The following CFAP91 variants were observed in gnomAD, a reference collection of about 807,000 sequenced individuals.
CFAP91 encodes cilia- and flagella-associated protein 91.
CFAP91 carries 85 observed loss-of-function variants against 95.9 expected under a neutral mutation model. The ratio of observed to expected loss-of-function variants is 0.89; its 90% CI spans 0.74 to 1.06. The LOEUF is 1.06. Among genes scored for constraint, CFAP91 ranks in the 50% least tolerant of loss-of-function variants. CFAP91 has a pLI of 0.00. For synonymous variants in CFAP91, 335 were observed against 327.5 expected (o/e 1.02, Z -0.25); for missense variants, 962 against 943.4 (o/e 1.02, Z -0.26).
chr3:119,715,854 G>GTAGCAACTTCATAGACTGTTGCTA, intron 6 of CFAP91, 111 bp downstream of exon 6: 1 of 936,538 alleles, frequency 1.1e-6, no homozygotes, highest in Middle Eastern at 2.7e-4. Flanking sequence ...GCTATATAAA[G>GTAGCAACTTCATAGACTGTTGCTA]TGTCTTAGTA....
Position 119,733,498 on chromosome 3 carries a change from G to A in CFAP91, c.1336G>A (p.Val446Ile), listed in dbSNP as rs149820036. ...AARLDYELAE[V>I]HKALLDKKNK... ...AAGGTTGGACTATGAGTTGGCAGAG[G>A]TTCATAAGGTATAATCATTATCTGG... The change falls in exon 10 of 18, where the codon GTT becomes ATT. Residue 446 changes from valine (V) to isoleucine (I), a missense_variant. Physicochemically the swap from Val to Ile is conservative, Grantham distance 29. Coordinates refer to ENST00000273390, the MANE Select transcript of CFAP91 (RefSeq NM_033364.4). 2.5e-5 allele frequency: 41 copies of A among 1,612,822 alleles called. No homozygotes were observed. The African/African-American group carries it at 4.4e-4, about 17-fold the overall frequency.
At position 119,726,354 on chromosome 3, in the gene CFAP91, T is replaced by A. The variant is rs79253444; in HGVS notation, c.860+6T>A. On this transcript the variant is annotated splice_donor_region_variant and intron_variant, in intron 7 of 17. Transcript: ENST00000273390. ...AGAGAGCAGGAGATTGAAAAGTAGGTTCTCTATCACCCAGACAACTGTTCC... is the reference window on the plus strand; with the variant it reads ...AGAGAGCAGGAGATTGAAAAGTAGGATCTCTATCACCCAGACAACTGTTCC... 6,862 of 1,606,618 alleles carry A rather than the reference T, an allele frequency of 4.3e-3. 458 individuals are homozygous for A. The East Asian group carries it at 0.14, about 32-fold the overall frequency.
chr3:119,760,153 T>G (rs2054509289), intron 17 of CFAP91, among the ~76,000 whole-genome samples: 1 of 151,810 alleles, frequency 6.6e-6, no homozygotes, highest in East Asian at 1.9e-4. Context: ...CTTCACAGTT[T>G]AAGGACTCAC....
rs751799447 is a variant in CFAP91, at chr3:119,747,789, C to G, written c.2052-22C>G. 5.6e-6 allele frequency: 9 copies of G among 1,595,918 alleles called. 1 individual carries two copies. The South Asian group carries it at 6.7e-5, about 12-fold the overall frequency. On this transcript the variant is annotated intron_variant, in intron 15 of 17. Coordinates refer to ENST00000273390, the MANE Select transcript of CFAP91 (RefSeq NM_033364.4). ...AAGTGAAAAAACCAAAGAAATAATT[C>G]AATTTGTTTTATATTTTTTAGCCGA... is the stretch of plus-strand genomic sequence containing the variant.
chr3:119,747,153 A>AGAAGACATAATACT lies in CFAP91; in HGVS notation c.1945_1958dup (p.Asn653LysfsTer3). 1 of 1,612,846 alleles carries AGAAGACATAATACT rather than the reference A, an allele frequency of 6.2e-7. No individual in the cohort carries two copies. Among genetic ancestry groups the AGAAGACATAATACT allele is most frequent in the South Asian group, 1.1e-5 (1 of 90,710 alleles). ...ACCATAGTACTATAAGCTCCTACCT[A>AGAAGACATAATACT]GAAGACATAATACTGAATACCGAAG... is the stretch of plus-strand genomic sequence containing the variant. On this transcript the variant is annotated frameshift_variant, in exon 15 of 18. Transcript: ENST00000273390. LOFTEE classifies it high-confidence loss of function.
At position 119,732,429 on chromosome 3, in the gene CFAP91, A is replaced by G; in HGVS notation, c.1154A>G (p.Asn385Ser). ...LSRLGCFPDN[N>S]SEDFVVKNYY... ...CGTCTTGGGTGTTTCCCAGACAACA[A>G]CTCAGAGGACTTTGTAGTAAAAAAC... Residue 385 changes from asparagine (N) to serine (S), a missense_variant, in exon 9 of 18, where the codon AAC (asparagine) becomes AGC (serine). Coordinates refer to ENST00000273390, the MANE Select transcript of CFAP91 (RefSeq NM_033364.4). The G allele has an allele frequency of 6.2e-7, 1 of 1,610,730 alleles. No individual in the cohort carries two copies. Among genetic ancestry groups the G allele is most frequent in the East Asian group, 2.2e-5 (1 of 44,668 alleles).
At chr3:119,732,594 A>T in intron 9 of CFAP91, 118 bp downstream of exon 9, 1 of 726,108 alleles carries the variant, frequency 1.4e-6, no homozygotes, top group East Asian at 2.9e-5. Flanking sequence ...TTTGCAATAA[A>T]CACTGATGAT....
chr3:119,707,732 G>GATATATATATATATATATATATAT lies in CFAP91; in HGVS notation c.359+188_359+189insTATATATATATATATATATATATA, dbSNP rs770594988. ...ACCTGATTATATATTGTATATATGA[G>GATATATATATATATATATATATAT]ATATATATATATATATAATTTTGTC... On this transcript the variant is annotated intron_variant, in intron 3 of 17. Transcript: ENST00000273390. Among the ~76,000 whole-genome samples the GATATATATATATATATATATATAT allele has an allele frequency of 1.8e-3, 250 of 142,370 alleles. 3 individuals are homozygous for GATATATATATATATATATATATAT. The highest frequency in any genetic ancestry group is 0.014 in the East Asian group (66 of 4,746). 93.4% of individuals were successfully genotyped at this position (142,370 alleles called of 152,430 possible). A position where few individuals can be genotyped will look rare whatever the true frequency, so the allele number is the denominator to read the frequency against.
In CFAP91 at chr3:119,750,929, T is replaced by C; in HGVS notation, c.2144-8T>C. 3 of 1,613,852 alleles carry C rather than the reference T, an allele frequency of 1.9e-6. No individual in the cohort carries two copies. The highest frequency in any genetic ancestry group is 1.1e-5 in the South Asian group (1 of 91,082). On this transcript the variant is annotated splice_polypyrimidine_tract_variant and splice_region_variant and intron_variant, in intron 16 of 17. Coordinates refer to ENST00000273390, the MANE Select transcript of CFAP91 (RefSeq NM_033364.4). ...CAGAATGAAAATTTTTCTATTACTT[T>C]GGCACAGTGAGGAACGCACAGCGGA... is the stretch of plus-strand genomic sequence containing the variant.
Position 119,733,434 on chromosome 3 carries a change from A to T in CFAP91, c.1272A>T (p.Lys424Asn). 1 of 1,614,160 alleles carries T rather than the reference A, an allele frequency of 6.2e-7. No individual in the cohort carries two copies. Among genetic ancestry groups the T allele is most frequent in the South Asian group, 1.1e-5 (1 of 91,086 alleles). ...TQPQIRAPKPKVITTKAGFLK... is the reference protein window; with the variant it reads ...TQPQIRAPKPNVITTKAGFLK... ...CCCAAATCAGAGCTCCAAAACCTAA[A>T]GTCATTACCACCAAAGCTGGTTTTC... is the stretch of plus-strand genomic sequence containing the variant. The change falls in exon 10 of 18, where the codon AAA becomes AAT. Residue 424 changes from lysine (K) to asparagine (N), a missense_variant. Transcript: ENST00000273390.
chr3:119,765,058 A>G lies in CFAP91; in HGVS notation c.*8A>G, dbSNP rs1427918106. The G allele has an allele frequency of 2.6e-5, 4 of 152,106 alleles. No homozygotes were observed. The highest frequency in any genetic ancestry group is 9.7e-5 in the African/African-American group (4 of 41,410). 9.4% of individuals were successfully genotyped at this position (152,106 alleles called of 1,614,324 possible). A position where few individuals can be genotyped will look rare whatever the true frequency, so the allele number is the denominator to read the frequency against. On this transcript the variant is annotated 3_prime_UTR_variant, in exon 18 of 18. Coordinates refer to ENST00000273390, the MANE Select transcript of CFAP91 (RefSeq NM_033364.4). ...GTTTTGCTCTTTTTTACAGATTGTG[A>G]TTTTTTTGTAAAAGAAGCTGTACGA...
At position 119,704,450 on chromosome 3, in the gene CFAP91, G is replaced by A. The variant is rs970839028; in HGVS notation, c.124+1228G>A. On this transcript the variant is annotated intron_variant, in intron 1 of 17. Coordinates refer to ENST00000273390, the MANE Select transcript of CFAP91 (RefSeq NM_033364.4). ...GGGAAAATCAGAACTAAGATGCTGT[G>A]CTCTCCTGCTTTCTTTCTTTGACCT... Among the ~76,000 whole-genome samples the A allele has an allele frequency of 2.0e-5, 3 of 152,272 alleles. No individual in the cohort carries two copies. The East Asian group carries it at 5.8e-4, about 29-fold the overall frequency.
chr3:119,722,668 AT>A (rs1247537473), intron 6 of CFAP91, among the ~76,000 whole-genome samples: 1 of 151,568 alleles, frequency 6.6e-6, no homozygotes, highest in African/African-American at 2.4e-5. Flanking sequence ...AAAAAAATAT[AT>A]TTTTTTGTGG....
At chr3:119,739,184 C>A in intron 11 of CFAP91, 71 bp from the exon 12 acceptor site, 1 of 1,331,108 alleles carries the variant, frequency 7.5e-7, no homozygotes, top group Non-Finnish European at 1.1e-6. Context: ...TGAAATAAGT[C>A]TTCAAAAGAA....
At chr3:119,758,880 C>T (rs1002855693) in intron 17 of CFAP91, among the ~76,000 whole-genome samples, 6 of 151,830 alleles carry the variant, frequency 4.0e-5, no homozygotes, top group African/African-American at 1.5e-4. Context: ...TGACTTGAAC[C>T]GAAATTAAGC....
intron 7 of CFAP91, among the ~76,000 whole-genome samples, chr3:119,728,943 T>A (rs1434756664): frequency 2.0e-5 from 3 of 152,236 alleles, no homozygotes; most frequent in African/African-American, 7.2e-5. Context: ...AGAACAGTGC[T>A]TGTTGAGAGA....
At chr3:119,707,034 C>T (rs995724005) in intron 2 of CFAP91, 149 bp downstream of exon 2, 1 of 642,944 alleles carries the variant, frequency 1.6e-6, no homozygotes, top group Non-Finnish European at 2.8e-6. Context: ...GAGGGCAAAG[C>T]ATCTTAATAC....
intron 14 of CFAP91, among the ~76,000 whole-genome samples, chr3:119,746,047 A>G (rs2054213742): frequency 6.6e-6 from 1 of 152,236 alleles, no homozygotes; most frequent in African/African-American, 2.4e-5. Context: ...TACAGGCAAA[A>G]CTAAGTATGC....
At chr3:119,744,808 T>G (rs1194913130) in intron 14 of CFAP91, among the ~76,000 whole-genome samples, 1 of 152,170 alleles carries the variant, frequency 6.6e-6, no homozygotes, top group Non-Finnish European at 1.5e-5. Context: ...AGATGTAAAT[T>G]TGGAAGTTGG....
Sources: allele counts gnomAD v4.1 joint callset (sites outside exome capture counted in the v4.1 genomes callset), GRCh38; gene constraint gnomAD v4.1.1; transcripts MANE v1.5; gene names NCBI Gene and HGNC (gene_info 2026-07-23, HGNC 2026-07-21).